Variants in PGAP1 observed in about 807,000 individuals in gnomAD.
PGAP1 encodes post-GPI attachment to proteins inositol deacylase 1.
In PGAP1, 76 loss-of-function variants were observed where a neutral mutation model predicts 127.0. The ratio of observed to expected loss-of-function variants is 0.60; its 90% CI spans 0.50 to 0.72. PGAP1 has a LOEUF of 0.72. Ranked by LOEUF, PGAP1 falls within the 30% of genes least tolerant of loss-of-function variation. The pLI is 0.00. For missense variants in PGAP1, 982 were observed against 1,071.3 expected, an observed-to-expected ratio of 0.92 and a Z score of 1.16; for synonymous variants, 362 against 366.5, an observed-to-expected ratio of 0.99 and a Z score of 0.14.
rs1402753918 is a variant in PGAP1, at chr2:196,839,630, C to T, written c.*1604G>A. On this transcript the variant is annotated 3_prime_UTR_variant, in exon 27 of 27. Transcript: ENST00000354764. ...AATGGGATCAAACAAACTTAAAACC[C>T]TCAGAGATGAGAGCAAGACTCCCTT... The T allele has an allele frequency of 1.3e-5, 2 of 152,178 alleles. No homozygotes were observed. Among genetic ancestry groups the T allele is most frequent in the Non-Finnish European group, 2.9e-5 (2 of 68,040 alleles). The allele number at this position is 152,178 out of a possible 1,614,324, so 9.4% of individuals were successfully genotyped here.
chr2:196,888,976 A>T (rs964915497), intron 10 of PGAP1, among the ~76,000 whole-genome samples: 1 of 152,100 alleles, frequency 6.6e-6, no homozygotes, highest in Admixed American at 6.6e-5. Context: ...TGTTGATTAT[A>T]AAAAAATTCA....
intron 3 of PGAP1, among the ~76,000 whole-genome samples, chr2:196,915,062 T>C (rs1019967611): frequency 6.6e-6 from 1 of 152,188 alleles, no homozygotes; most frequent in Non-Finnish European, 1.5e-5. Flanking sequence ...CTCATCTTAT[T>C]TGACCTATCA....
At chr2:196,877,466 C>T (rs1464190416) in intron 13 of PGAP1, 1 of 152,084 alleles carries the variant, frequency 6.6e-6, no homozygotes, top group African/African-American at 2.4e-5. Context: ...ATTTATTAGG[C>T]TGCTAAGACT....
At position 196,913,084 on chromosome 2, in the gene PGAP1, C is replaced by T. The variant is rs189786566; in HGVS notation, c.478-31G>A. 2.2e-4 allele frequency: 351 copies of T among 1,564,832 alleles called. 1 individual carries two copies. In the African/African-American group the frequency reaches 4.0e-3, roughly 18 times the overall value. ...AAAATAAATCACCAGGTCATAATTG[C>T]GGCTTTGTATCATTTTTAAAATACT... On this transcript the variant is annotated intron_variant, in intron 3 of 26. Coordinates refer to ENST00000354764, the MANE Select transcript of PGAP1 (RefSeq NM_024989.4).
At chr2:196,866,682 G>A (rs533616384) in intron 19 of PGAP1, among the ~76,000 whole-genome samples, 1 of 152,082 alleles carries the variant, frequency 6.6e-6, no homozygotes, top group South Asian at 2.1e-4. Context: ...GAGTGAACAG[G>A]CAACCTACAG....
intron 7 of PGAP1, among the ~76,000 whole-genome samples, chr2:196,894,511 C>A (rs1361337465): frequency 2.0e-5 from 3 of 152,130 alleles, no homozygotes; most frequent in Non-Finnish European, 4.4e-5. Context: ...GCCTGTCTAT[C>A]AAAACTTTAG....
At position 196,861,954 on chromosome 2, in the gene PGAP1, T is replaced by C. The variant is rs746594161; in HGVS notation, c.1861+3033A>G. On this transcript the variant is annotated intron_variant, in intron 20 of 26. Coordinates refer to ENST00000354764, the MANE Select transcript of PGAP1 (RefSeq NM_024989.4). ...GAGGATGTATGTCGCCTCAGGACCA[T>C]GTGATAATCGTATTAACTGCACAAA... Among the ~76,000 whole-genome samples the C allele has an allele frequency of 4.6e-5, 7 of 151,080 alleles. No homozygotes were observed. The East Asian group carries it at 1.2e-3, about 25-fold the overall frequency.
intron 19 of PGAP1, among the ~76,000 whole-genome samples, chr2:196,866,840 A>G (rs1214172928): frequency 2.0e-5 from 3 of 152,230 alleles, no homozygotes; most frequent in African/African-American, 7.2e-5. Context: ...AAAAGAAGAC[A>G]TTTATGTGGC....
rs201977846 is a variant in PGAP1, at chr2:196,880,201, C to A, written c.1273-48G>T. 6.1e-5 allele frequency: 71 copies of A among 1,154,598 alleles called. 1 individual carries two copies. In the Admixed American group the frequency reaches 1.5e-3, roughly 24 times the overall value. 71.5% of individuals were successfully genotyped at this position (1,154,598 alleles called of 1,614,324 possible). A position where few individuals can be genotyped will look rare whatever the true frequency, so the allele number is the denominator to read the frequency against. On this transcript the variant is annotated intron_variant, in intron 12 of 26. Coordinates refer to ENST00000354764, the MANE Select transcript of PGAP1 (RefSeq NM_024989.4). Reference sequence around the variant, plus strand: ...TACTTTTATTTCTTAGAGATTAATGCATGTTTAAAGAAAAATAAATAACAC... The same window carrying A: ...TACTTTTATTTCTTAGAGATTAATGAATGTTTAAAGAAAAATAAATAACAC...
chr2:196,851,215 T>C (rs1332365004), intron 20 of PGAP1, among the ~76,000 whole-genome samples: 2 of 151,726 alleles, frequency 1.3e-5, no homozygotes. Context: ...GGGAAGGCTG[T>C]GAAGGGAGGG....
chr2:196,902,537 C>T, intron 5 of PGAP1, 48 bp downstream of exon 5: 2 of 1,486,506 alleles, frequency 1.3e-6, no homozygotes, highest in Non-Finnish European at 1.8e-6. Flanking sequence ...TCATGCTCCA[C>T]TGGGTCTATT....
At chr2:196,861,717 G>A (rs1701073281) in intron 20 of PGAP1, among the ~76,000 whole-genome samples, 1 of 152,096 alleles carries the variant, frequency 6.6e-6, no homozygotes, top group South Asian at 2.1e-4. Context: ...TGAAGCCATG[G>A]CAGAAGAATG....
intron 13 of PGAP1, among the ~76,000 whole-genome samples, chr2:196,879,587 T>C (rs946096868): frequency 6.6e-6 from 1 of 152,074 alleles, no homozygotes; most frequent in African/African-American, 2.4e-5. Flanking sequence ...CCCAGCTACT[T>C]GGGAGGCTGA....
intron 13 of PGAP1, among the ~76,000 whole-genome samples, chr2:196,877,328 C>T (rs1445915970): frequency 6.6e-6 from 1 of 152,048 alleles, no homozygotes; most frequent in African/African-American, 2.4e-5. Context: ...ATGTCATGTT[C>T]TGATGATGAG....
At chr2:196,884,227 T>A (rs1042432220) in intron 12 of PGAP1, among the ~76,000 whole-genome samples, 1 of 152,230 alleles carries the variant, frequency 6.6e-6, no homozygotes, top group Middle Eastern at 3.4e-3. Flanking sequence ...AATAAAAAAA[T>A]CACCTATACC....
rs1034401715 is a variant in PGAP1, at chr2:196,839,335, T to C, written c.*1899A>G. ...AGACGCAATGTGTATCAAAGTTGTT[T>C]ATAAGTATAGTTAAACATAGGGAGA... On this transcript the variant is annotated 3_prime_UTR_variant, in exon 27 of 27. Coordinates refer to ENST00000354764, the MANE Select transcript of PGAP1 (RefSeq NM_024989.4). 1.3e-5 allele frequency: 2 copies of C among 152,376 alleles called. No homozygotes were observed. The highest frequency in any genetic ancestry group is 4.8e-5 in the African/African-American group (2 of 41,462). 9.4% of individuals were successfully genotyped at this position (152,376 alleles called of 1,614,324 possible). A position where few individuals can be genotyped will look rare whatever the true frequency, so the allele number is the denominator to read the frequency against.
chr2:196,869,525 G>A (rs1449352772), intron 19 of PGAP1, among the ~76,000 whole-genome samples: 4 of 152,060 alleles, frequency 2.6e-5, no homozygotes, highest in Admixed American at 1.3e-4. Context: ...TAATAGAGAC[G>A]GGGTTTCACC....
chr2:196,895,311 T>C (rs943399153), intron 7 of PGAP1, among the ~76,000 whole-genome samples: 2 of 152,224 alleles, frequency 1.3e-5, no homozygotes, highest in South Asian at 2.1e-4. Context: ...ATGTCCAATT[T>C]TTTTAGGAAT....
intron 1 of PGAP1, chr2:196,922,328 AC>A: frequency 8.7e-7 from 1 of 1,145,864 alleles, no homozygotes; most frequent in Non-Finnish European, 1.1e-6. Context: ...TCCATAACTA[AC>A]CAAAAAGAAA....
Sources: allele counts gnomAD v4.1 joint callset (sites outside exome capture counted in the v4.1 genomes callset), GRCh38; gene constraint gnomAD v4.1.1; transcripts MANE v1.5; gene names NCBI Gene and HGNC (gene_info 2026-07-23, HGNC 2026-07-21).